SRSF3: variants seen among roughly 807,000 people sequenced by gnomAD.
SRSF3 encodes serine and arginine rich splicing factor 3, also known as serine/arginine-rich splicing factor 3.
For missense variants in SRSF3, 58 were observed against 217.1 expected (o/e 0.27, Z 4.61); for synonymous variants, 87 against 73.6 (o/e 1.18, Z -0.93).
chr6:36,600,221 G>C (rs1778691173), intron 3 of SRSF3: 1 of 1,056,420 alleles, frequency 9.5e-7, no homozygotes, highest in African/African-American at 1.7e-5. Context: ...ATTCTTCCTG[G>C]CCGTCAGTCC....
intron 2 of SRSF3, chr6:36,597,207 G>C: frequency 1.9e-6 from 1 of 537,636 alleles, no homozygotes; most frequent in Non-Finnish European, 3.3e-6. Flanking sequence ...CGGGGTTCAA[G>C]TGATTCTCCT....
chr6:36,602,716 T>C lies in SRSF3; in HGVS notation c.*727T>C. 1 of 211,634 alleles carries C rather than the reference T, an allele frequency of 4.7e-6. No homozygotes were observed. The highest frequency in any genetic ancestry group is 9.6e-6 in the Non-Finnish European group (1 of 104,060). 13.1% of individuals were successfully genotyped at this position (211,634 alleles called of 1,614,324 possible). On this transcript the variant is annotated 3_prime_UTR_variant, in exon 6 of 6. Coordinates refer to ENST00000373715, the MANE Select transcript of SRSF3 (RefSeq NM_003017.5). ...GTTACTGTGCAAGATTTTTTTTTCA[T>C]GCTGTCATTTGTAATATGTTTTGTG... is the stretch of plus-strand genomic sequence containing the variant.
chr6:36,595,596 T>G (rs1055966116), intron 1 of SRSF3, among the ~76,000 whole-genome samples: 9 of 152,236 alleles, frequency 5.9e-5, no homozygotes, highest in African/African-American at 2.2e-4. Context: ...AATCGTGTAC[T>G]TTTATGTCTG....
Position 36,602,143 on chromosome 6 carries a change from A to G in SRSF3, c.*154A>G, listed in dbSNP as rs558745455. The G allele has an allele frequency of 2.5e-5, 34 of 1,386,300 alleles. No individual in the cohort carries two copies. The African/African-American group carries it at 4.1e-4, about 17-fold the overall frequency. The allele number at this position is 1,386,300 out of a possible 1,614,324, so 85.9% of individuals were successfully genotyped here. A position where few individuals can be genotyped will look rare whatever the true frequency, so the allele number is the denominator to read the frequency against. ...TCTGTTTGTCTCTTGAAACAGTGAC[A>G]CAAAGGTGTAATTCTCTATGGTTTG... is the stretch of plus-strand genomic sequence containing the variant. On this transcript the variant is annotated 3_prime_UTR_variant, in exon 6 of 6. Transcript: ENST00000373715.
intron 2 of SRSF3, 148 bp from the exon 3 acceptor site, chr6:36,598,701 T>TA (rs781120163): frequency 1.3e-4 from 123 of 973,822 alleles, no homozygotes; most frequent in Non-Finnish European, 1.7e-4. Flanking sequence ...TTTATATTAG[T>TA]AAAAATAAGG....
intron 2 of SRSF3, among the ~76,000 whole-genome samples, chr6:36,597,861 TTTA>T (rs1424094340): frequency 6.6e-6 from 1 of 151,672 alleles, no homozygotes; most frequent in Non-Finnish European, 1.5e-5. Flanking sequence ...AAAATGTATA[TTTA>T]TTATTTAAAA....
In SRSF3 at chr6:36,603,424, G is replaced by A. The variant is rs779732681; in HGVS notation, c.*1435G>A. On this transcript the variant is annotated 3_prime_UTR_variant, in exon 6 of 6. Coordinates refer to ENST00000373715, the MANE Select transcript of SRSF3 (RefSeq NM_003017.5). ...TTGTGCAATTAGATTAAATCATAATGCAACAGTCTTGTGGCTTAGTTTCCT... is the reference window on the plus strand; with the variant it reads ...TTGTGCAATTAGATTAAATCATAATACAACAGTCTTGTGGCTTAGTTTCCT... The A allele has an allele frequency of 4.5e-6, 1 of 223,662 alleles. No homozygotes were observed. The highest frequency in any genetic ancestry group is 2.2e-5 in the African/African-American group (1 of 44,834). 13.9% of individuals were successfully genotyped at this position (223,662 alleles called of 1,614,324 possible).
At chr6:36,596,427 G>T (rs532874355) in intron 1 of SRSF3, among the ~76,000 whole-genome samples, 2 of 151,996 alleles carry the variant, frequency 1.3e-5, no homozygotes, top group African/African-American at 4.8e-5. Flanking sequence ...GGGATTAAAT[G>T]AAATAACAGG....
intron 2 of SRSF3, 141 bp from the exon 3 acceptor site, chr6:36,598,708 A>T: frequency 9.8e-7 from 1 of 1,016,702 alleles, no homozygotes; most frequent in Non-Finnish European, 1.4e-6. Context: ...TAGTAAAAAT[A>T]AGGGAGCTAG....
chr6:36,595,923 T>A (rs1778619618), intron 1 of SRSF3, among the ~76,000 whole-genome samples: 1 of 146,096 alleles, frequency 6.8e-6, no homozygotes, highest in Non-Finnish European at 1.5e-5. Flanking sequence ...ATTTATTTAT[T>A]TATTTGTGGT....
intron 2 of SRSF3, 138 bp from the exon 3 acceptor site, chr6:36,598,711 G>A: frequency 9.7e-7 from 1 of 1,035,136 alleles, no homozygotes. Flanking sequence ...TAAAAATAAG[G>A]GAGCTAGAAA....
At chr6:36,600,135 A>C in intron 3 of SRSF3, 1 of 1,069,640 alleles carries the variant, frequency 9.3e-7, no homozygotes, top group Non-Finnish European at 1.1e-6. Context: ...CTAACAAAAA[A>C]GCAGGAAAAA....
chr6:36,597,785 A>C (rs999291396), intron 2 of SRSF3, among the ~76,000 whole-genome samples: 34 of 151,068 alleles, frequency 2.3e-4, no homozygotes, highest in African/African-American at 6.8e-4. Flanking sequence ...GGTTGTATTA[A>C]GGGTGAGGAA....
Position 36,602,477 on chromosome 6 carries a change from T to G in SRSF3, c.*488T>G. The G allele has an allele frequency of 4.5e-6, 1 of 224,502 alleles. No homozygotes were observed. Among genetic ancestry groups the G allele is most frequent in the Non-Finnish European group, 8.9e-6 (1 of 112,834 alleles). The allele number at this position is 224,502 out of a possible 1,614,324, so 13.9% of individuals were successfully genotyped here. A position where few individuals can be genotyped will look rare whatever the true frequency, so the allele number is the denominator to read the frequency against. ...AAATGCTGCACTATTAAATTAGAGG[T>G]TTTTGAAAAATCCAACTCTCATCCT... On this transcript the variant is annotated 3_prime_UTR_variant, in exon 6 of 6. Coordinates refer to ENST00000373715, the MANE Select transcript of SRSF3 (RefSeq NM_003017.5).
chr6:36,597,741 T>G (rs1215997568), intron 2 of SRSF3, among the ~76,000 whole-genome samples: 1 of 152,186 alleles, frequency 6.6e-6, no homozygotes, highest in East Asian at 1.9e-4. Context: ...CCAGTCACTC[T>G]TCAAATATGA....
At position 36,602,104 on chromosome 6, in the gene SRSF3, T is replaced by C; in HGVS notation, c.*115T>C. ...TAAGCTTGGTGCATTTTTAAGATGT[T>C]TTAGCTGTTCAAATCTGTTTGTCTC... On this transcript the variant is annotated 3_prime_UTR_variant, in exon 6 of 6. Transcript: ENST00000373715. 6.6e-7 allele frequency: 1 copy of C among 1,521,564 alleles called. No individual in the cohort carries two copies. Among genetic ancestry groups the C allele is most frequent in the Non-Finnish European group, 8.8e-7 (1 of 1,139,268 alleles). The allele number at this position is 1,521,564 out of a possible 1,614,324, so 94.3% of individuals were successfully genotyped here. A position where few individuals can be genotyped will look rare whatever the true frequency, so the allele number is the denominator to read the frequency against.
intron 3 of SRSF3, chr6:36,599,504 A>G (rs930705944): frequency 4.7e-6 from 1 of 210,750 alleles, no homozygotes; most frequent in Non-Finnish European, 9.9e-6. Context: ...AATAGGAGAA[A>G]ATTCAGTTTT....
chr6:36,601,387 C>T (rs1778713577), intron 4 of SRSF3, 197 bp downstream of exon 4: 2 of 629,464 alleles, frequency 3.2e-6, no homozygotes, highest in Non-Finnish European at 5.4e-6. Flanking sequence ...GGATCTGTCA[C>T]CCAGGCTGGA....
At position 36,596,584 on chromosome 6, in the gene SRSF3, G is replaced by A. The variant is rs1412765657; in HGVS notation, c.-2-177G>A. ...AATGGGGCGGGGTGGCGGGGGGGGG[G>A]AAATGGGTGCTTAGCAGTAACATTT... is the stretch of plus-strand genomic sequence containing the variant. On this transcript the variant is annotated intron_variant, in intron 1 of 5. Transcript: ENST00000373715. Among the ~76,000 whole-genome samples the A allele has an allele frequency of 1.5e-5, 2 of 132,260 alleles. 1 individual carries two copies. The highest frequency in any genetic ancestry group is 3.3e-5 in the Non-Finnish European group (2 of 61,256). 86.8% of individuals were successfully genotyped at this position (132,260 alleles called of 152,430 possible).
Sources: allele counts gnomAD v4.1 joint callset (sites outside exome capture counted in the v4.1 genomes callset), GRCh38; gene constraint gnomAD v4.1.1; transcripts MANE v1.5; gene names NCBI Gene and HGNC (gene_info 2026-07-23, HGNC 2026-07-21).